TRIM67: variants seen among roughly 807,000 people sequenced by gnomAD.
TRIM67 encodes tripartite motif containing 67.
TRIM67 carries 39 observed loss-of-function variants against 71.0 expected under a neutral mutation model. The observed-to-expected ratio is 0.55, with a 90% CI of 0.43 to 0.72. TRIM67 has a LOEUF of 0.72. Ranked by LOEUF, TRIM67 falls within the 30% of genes least tolerant of loss-of-function variation. The probability of loss-of-function intolerance (pLI) is 0.00; values close to 1 mark genes in which losing one functional copy is unlikely to be tolerated. For missense variants in TRIM67, 973 were observed against 1,079.2 expected, an observed-to-expected ratio of 0.90 and a Z score of 1.38; for synonymous variants, 481 against 473.9, an observed-to-expected ratio of 1.01 and a Z score of -0.19.
chr1:231,195,132 C>T (rs1683333379), intron 1 of TRIM67, among the ~76,000 whole-genome samples: 2 of 152,180 alleles, frequency 1.3e-5, no homozygotes, highest in Admixed American at 6.5e-5. Context: ...AGCCTTTTCT[C>T]AGAGACAGGA....
chr1:231,203,641 A>T (rs1235183362), intron 5 of TRIM67, among the ~76,000 whole-genome samples: 1 of 152,164 alleles, frequency 6.6e-6, no homozygotes, highest in Non-Finnish European at 1.5e-5. Flanking sequence ...TCCAGGAAGG[A>T]CAACCCCTAG....
rs140547022 is a variant in TRIM67, at chr1:231,214,505, G to A, written c.2286+528G>A. ...AAAAGATAGGCTTATGGCCGGGCGC[G>A]GTGGCTTACGCCTGTAATCCCAGCA... On this transcript the variant is annotated intron_variant, in intron 9 of 9. Transcript: ENST00000366653. 1.5e-3 allele frequency among the ~76,000 whole-genome samples: 228 copies of A among 152,210 alleles called. 1 individual carries two copies. Among genetic ancestry groups the A allele is most frequent in the African/African-American group, 5.3e-3 (219 of 41,530 alleles).
At chr1:231,182,340 T>A (rs1471251429) in intron 1 of TRIM67, among the ~76,000 whole-genome samples, 1 of 152,012 alleles carries the variant, frequency 6.6e-6, no homozygotes, top group Non-Finnish European at 1.5e-5. Context: ...GGTGGGAGGA[T>A]CGCCTGAGGC....
intron 1 of TRIM67, chr1:231,186,227 C>A: frequency 7.0e-7 from 1 of 1,421,704 alleles, no homozygotes; most frequent in East Asian, 2.5e-5. Context: ...GAAGGAGAGA[C>A]AAGAGTACAT....
At chr1:231,208,831 A>G in intron 7 of TRIM67, 116 bp from the exon 8 acceptor site, 1 of 982,270 alleles carries the variant, frequency 1.0e-6, no homozygotes, top group East Asian at 2.4e-5. Flanking sequence ...AAGACCCTTC[A>G]CTTCTGGGTG....
At chr1:231,201,990 G>A (rs941322640) in intron 5 of TRIM67, among the ~76,000 whole-genome samples, 1 of 150,410 alleles carries the variant, frequency 6.6e-6, no homozygotes, top group South Asian at 2.1e-4. Context: ...GATGCCATGC[G>A]GTGAGATTTG....
intron 5 of TRIM67, 116 bp from the exon 6 acceptor site, chr1:231,203,751 G>T: frequency 1.5e-6 from 2 of 1,359,744 alleles, no homozygotes; most frequent in South Asian, 2.8e-5. Context: ...GCCAGGGAGG[G>T]AATTTAGCCT....
chr1:231,163,328 A>T lies in TRIM67; in HGVS notation c.359A>T (p.Lys120Met). The T allele has an allele frequency of 6.6e-7, 1 of 1,524,272 alleles. No individual in the cohort carries two copies. Among genetic ancestry groups the T allele is most frequent in the Non-Finnish European group, 8.8e-7 (1 of 1,134,738 alleles). 94.4% of individuals were successfully genotyped at this position (1,524,272 alleles called of 1,614,324 possible). Residue 120 changes from lysine to methionine, a missense_variant, in exon 1 of 10, where the codon AAG becomes ATG. Around this residue, in one of 2 missense-constraint regions of TRIM67, gnomAD observed 795 missense variants for 831.3 expected, o/e 0.96. Coordinates refer to ENST00000366653, the MANE Select transcript of TRIM67 (RefSeq NM_001004342.5). ...TACGGGTCCTACACCCCGAGCCTCA[A>T]GTCCCCCAACGGGGTTCGCGTGCTG... ...SGYGSYTPSL[K>M]SPNGVRVLPM...
intron 4 of TRIM67, 112 bp downstream of exon 4, chr1:231,200,370 C>A: frequency 1.5e-6 from 1 of 675,886 alleles, no homozygotes; most frequent in Non-Finnish European, 2.7e-6. Flanking sequence ...TGAGTAGATT[C>A]TCCTTTGTTC....
chr1:231,175,110 T>A (rs1357218721), intron 1 of TRIM67, among the ~76,000 whole-genome samples: 4 of 152,192 alleles, frequency 2.6e-5, no homozygotes, highest in South Asian at 2.1e-4. Flanking sequence ...GTGCAGCCAT[T>A]CATCATATTT....
At position 231,188,852 on chromosome 1, in the gene TRIM67, C is replaced by T. The variant is rs114254815; in HGVS notation, c.1045-8519C>T. On this transcript the variant is annotated intron_variant, in intron 1 of 9. Transcript: ENST00000366653. ...ACCAGTTGCTACTGATCCTGTCCCA[C>T]CTCAGGAGAGGAGAGGCCATCAAGT... Among the ~76,000 whole-genome samples the T allele has an allele frequency of 9.2e-3, 1,397 of 152,334 alleles. 21 individuals carry two copies. Among genetic ancestry groups the T allele is most frequent in the African/African-American group, 0.031 (1,309 of 41,562 alleles).
At position 231,162,489 on chromosome 1, in the gene TRIM67, G is replaced by C; in HGVS notation, c.-481G>C. ...CCTTCGCACCTGCCTGTCTCACCTC[G>C]CTATCACCCCGATAAGGAGTTGGGC... On this transcript the variant is annotated 5_prime_UTR_variant, in exon 1 of 10. Transcript: ENST00000366653. 1 of 158,134 alleles carries C rather than the reference G, an allele frequency of 6.3e-6. No individual in the cohort carries two copies. The highest frequency in any genetic ancestry group is 1.4e-5 in the Non-Finnish European group (1 of 72,172). The allele number at this position is 158,134 out of a possible 1,614,324, so 9.8% of individuals were successfully genotyped here.
intron 4 of TRIM67, among the ~76,000 whole-genome samples, chr1:231,200,621 C>T (rs1683493726): frequency 6.6e-6 from 1 of 152,188 alleles, no homozygotes; most frequent in Admixed American, 6.5e-5. Flanking sequence ...TCCTGCAGGC[C>T]TGGCTGGTGA....
intron 1 of TRIM67, chr1:231,186,155 G>A: frequency 6.5e-7 from 1 of 1,531,250 alleles, no homozygotes; most frequent in East Asian, 2.4e-5. Context: ...CAGCCAGGCT[G>A]AGGCGCTCCC....
rs1684033195 is a variant in TRIM67 at position 231,217,105 on chromosome 1, G to A, written c.*1665G>A. On this transcript the variant is annotated 3_prime_UTR_variant, in exon 10 of 10. Transcript: ENST00000366653. ...AGTAACTGCCTGCCGGAGCCATGCA[G>A]GTACCCCCCCTCCACTCAGCAGGCC... The A allele has an allele frequency of 1.0e-6, 1 of 985,910 alleles. No homozygotes were observed. The highest frequency in any genetic ancestry group is 1.2e-6 in the Non-Finnish European group (1 of 830,024). 61.1% of individuals were successfully genotyped at this position (985,910 alleles called of 1,614,324 possible). A position where few individuals can be genotyped will look rare whatever the true frequency, so the allele number is the denominator to read the frequency against.
chr1:231,165,294 C>T (rs889564738), intron 1 of TRIM67, among the ~76,000 whole-genome samples: 1 of 152,126 alleles, frequency 6.6e-6, no homozygotes, highest in African/African-American at 2.4e-5. Context: ...GACCTGTATC[C>T]AAATCTTAGG....
At chr1:231,202,157 G>A (rs1683559914) in intron 5 of TRIM67, among the ~76,000 whole-genome samples, 1 of 137,140 alleles carries the variant, frequency 7.3e-6, no homozygotes, top group African/African-American at 2.7e-5. Flanking sequence ...AGGTAGCGGA[G>A]GAGGAGGTAG....
chr1:231,212,829 G>T (rs893105597), intron 8 of TRIM67, among the ~76,000 whole-genome samples: 1 of 152,130 alleles, frequency 6.6e-6, no homozygotes, highest in South Asian at 2.1e-4. Context: ...TTTTATTATA[G>T]ATTCACTTCC....
intron 1 of TRIM67, among the ~76,000 whole-genome samples, chr1:231,191,311 C>T (rs1050850718): frequency 2.6e-5 from 4 of 152,188 alleles, no homozygotes; most frequent in South Asian, 2.1e-4. Flanking sequence ...GTGATCCTCC[C>T]GCCTTGGCCT....
Sources: gnomAD v4.1 joint callset for allele counts (sites outside exome capture counted in the v4.1 genomes callset) on GRCh38, gnomAD v4.1.1 for gene constraint, gnomAD v4.1.1 regional missense constraint, MANE v1.5 for transcripts, NCBI Gene and HGNC (gene_info 2026-07-23, HGNC 2026-07-21) for gene names.